SUV39H2: variants seen among roughly 807,000 people sequenced by gnomAD.
SUV39H2 encodes the protein histone-lysine N-methyltransferase SUV39H2.
SUV39H2 carries 10 observed loss-of-function variants against 47.5 expected under a neutral mutation model. That is an observed-to-expected ratio of 0.21 (90% confidence interval 0.13 to 0.36). The LOEUF (loss-of-function observed/expected upper bound fraction) is 0.36. Among genes scored for constraint, SUV39H2 ranks in the 10% least tolerant of loss-of-function variants. SUV39H2 has a pLI of 1.00. For synonymous variants in SUV39H2, 159 were observed against 166.8 expected (o/e 0.95, Z 0.36); for missense variants, 266 against 487.4 (o/e 0.55, Z 4.28).
At chr10:14,901,698 G>T (rs1834031584) in intron 5 of SUV39H2, among the ~76,000 whole-genome samples, 1 of 152,014 alleles carries the variant, frequency 6.6e-6, no homozygotes, top group African/African-American at 2.4e-5. Flanking sequence ...GGGCGTGGTG[G>T]CGTGTGCCTG....
At position 14,892,551 on chromosome 10, in the gene SUV39H2, C is replaced by T. The variant is rs74888069; in HGVS notation, c.178-4295C>T. On this transcript the variant is annotated intron_variant, in intron 2 of 5. Transcript: ENST00000354919. ...TCCCTACTCAATCACTGCTCTCACTCCTTCAGAGTGTAGTGTGTACTGCTT... is the reference window on the plus strand; with the variant it reads ...TCCCTACTCAATCACTGCTCTCACTTCTTCAGAGTGTAGTGTGTACTGCTT... Among the ~76,000 whole-genome samples, 480 of 152,282 alleles carry T rather than the reference C, an allele frequency of 3.2e-3. 4 individuals are homozygous for T. Among genetic ancestry groups the T allele is most frequent in the African/African-American group, 0.011 (462 of 41,562 alleles).
chr10:14,890,634 A>G (rs186646078), intron 2 of SUV39H2, among the ~76,000 whole-genome samples: 84 of 152,330 alleles, frequency 5.5e-4, no homozygotes, highest in Admixed American at 9.2e-4. Flanking sequence ...CTCCTGCCTC[A>G]GCCTCCCAAA....
At position 14,897,100 on chromosome 10, in the gene SUV39H2, C is replaced by T; in HGVS notation, c.432C>T (p.Leu144=). Residue 144 remains leucine, a synonymous_variant, in exon 3 of 6, where the codon CTC becomes CTT. Transcript: ENST00000354919. ...CTCTGCAGAGATGGCAAGATGAACT[C>T]AACAGAAGAAAGAATCATAAAGGAA... ...RIALQRWQDE[L]NRRKNHKGMI... 1 of 1,613,876 alleles carries T rather than the reference C, an allele frequency of 6.2e-7. No homozygotes were observed. Among genetic ancestry groups the T allele is most frequent in the Non-Finnish European group, 8.5e-7 (1 of 1,179,928 alleles).
At chr10:14,898,595 T>C (rs1414295931) in intron 3 of SUV39H2, 1 of 152,150 alleles carries the variant, frequency 6.6e-6, no homozygotes, top group Non-Finnish European at 1.5e-5. Flanking sequence ...AAATTACTCT[T>C]TTTGTTAACC....
intron 1 of SUV39H2, chr10:14,879,175 C>T (rs1189661973): frequency 8.7e-7 from 1 of 1,149,006 alleles, no homozygotes; most frequent in East Asian, 3.6e-5. Flanking sequence ...AGCGTGGCCT[C>T]TCCGCCCGCT....
rs575858982 is a variant in SUV39H2, at chr10:14,903,769, A to C, written c.*1257A>C. On this transcript the variant is annotated 3_prime_UTR_variant, in exon 6 of 6. Coordinates refer to ENST00000354919, the MANE Select transcript of SUV39H2 (RefSeq NM_001193424.2). ...TGTTGTGAAAATGATAAATGCAGCA[A>C]ATCTAGCTTTCAGTATTCCTAATTT... 6.6e-6 allele frequency: 1 copy of C among 152,336 alleles called. No individual in the cohort carries two copies. The highest frequency in any genetic ancestry group is 2.4e-5 in the African/African-American group (1 of 41,574). 9.4% of individuals were successfully genotyped at this position (152,336 alleles called of 1,614,324 possible). A position where few individuals can be genotyped will look rare whatever the true frequency, so the allele number is the denominator to read the frequency against.
At position 14,903,239 on chromosome 10, in the gene SUV39H2, T is replaced by G. The variant is rs1224473820; in HGVS notation, c.*727T>G. 1.3e-5 allele frequency: 2 copies of G among 152,164 alleles called. No individual in the cohort carries two copies. The highest frequency in any genetic ancestry group is 4.8e-5 in the African/African-American group (2 of 41,448). The allele number at this position is 152,164 out of a possible 1,614,324, so 9.4% of individuals were successfully genotyped here. A position where few individuals can be genotyped will look rare whatever the true frequency, so the allele number is the denominator to read the frequency against. On this transcript the variant is annotated 3_prime_UTR_variant, in exon 6 of 6. Transcript: ENST00000354919. ...AGTCCAAAATGGCTAGCCATTATGC[T>G]TCTTTGAAAGGACATGATAATGGGA...
intron 1 of SUV39H2, 36 bp from the exon 2 acceptor site, chr10:14,881,464 A>G (rs753688357): frequency 7.1e-7 from 1 of 1,402,382 alleles, no homozygotes. Context: ...TTGAATAGCT[A>G]TTTCATTAGT....
At chr10:14,899,124 A>T (rs1430471600) in intron 3 of SUV39H2, 12 of 662,550 alleles carry the variant, frequency 1.8e-5, no homozygotes, top group Non-Finnish European at 2.5e-5. Flanking sequence ...GTTCCAGACC[A>T]GTGTGGGCAA....
chr10:14,899,023 C>G (rs1564344334), intron 3 of SUV39H2: 2 of 575,444 alleles, frequency 3.5e-6, no homozygotes, highest in Admixed American at 3.0e-5. Context: ...ATGTACTGCT[C>G]AAATCCTGTT....
At chr10:14,879,535 T>C (rs770115252) in intron 1 of SUV39H2, among the ~76,000 whole-genome samples, 11 of 152,132 alleles carry the variant, frequency 7.2e-5, no homozygotes, top group South Asian at 2.1e-4. Flanking sequence ...TGGCTTACGG[T>C]AACTCTTTCA....
At chr10:14,882,646 C>T (rs1293290956) in intron 2 of SUV39H2, among the ~76,000 whole-genome samples, 3 of 152,162 alleles carry the variant, frequency 2.0e-5, no homozygotes, top group Non-Finnish European at 4.4e-5. Flanking sequence ...GCTTGCTTTT[C>T]CCATTCTTGT....
intron 2 of SUV39H2, among the ~76,000 whole-genome samples, chr10:14,896,122 T>C (rs1028246792): frequency 2.6e-5 from 4 of 152,108 alleles, no homozygotes; most frequent in Non-Finnish European, 2.9e-5. Flanking sequence ...TTTGTGTTTT[T>C]AGTAAAGATG....
At chr10:14,879,227 T>G in intron 1 of SUV39H2, 5 of 712,818 alleles carry the variant, frequency 7.0e-6, no homozygotes, top group Non-Finnish European at 3.7e-6. Context: ...GCCTCGGGCT[T>G]CGAGGCCGCT....
chr10:14,879,047 C>T, intron 1 of SUV39H2, 128 bp downstream of exon 1: 5 of 1,316,510 alleles, frequency 3.8e-6, no homozygotes, highest in Non-Finnish European at 4.8e-6. Context: ...GCGACCCCAA[C>T]TCCGGGACGC....
At chr10:14,879,893 C>T (rs1200938094) in intron 1 of SUV39H2, 1 of 150,018 alleles carries the variant, frequency 6.7e-6, no homozygotes, top group Admixed American at 6.6e-5. Flanking sequence ...CTTTTTTTAA[C>T]CACGTGTTTG....
chr10:14,890,547 C>T (rs1833355664), intron 2 of SUV39H2, among the ~76,000 whole-genome samples: 1 of 152,180 alleles, frequency 6.6e-6, no homozygotes. Context: ...CATGTGCCAC[C>T]ACATGCTGCT....
intron 2 of SUV39H2, among the ~76,000 whole-genome samples, chr10:14,890,431 T>C (rs538599951): frequency 6.6e-6 from 1 of 152,324 alleles, no homozygotes; most frequent in Non-Finnish European, 1.5e-5. Context: ...CTCACTCTGT[T>C]GCCCAAGCTG....
rs1471046437 is a variant in SUV39H2 at position 14,902,536 on chromosome 10, T to TG, written c.*25dup. 4 of 1,417,350 alleles carry TG rather than the reference T, an allele frequency of 2.8e-6. No individual in the cohort carries two copies. Among genetic ancestry groups the TG allele is most frequent in the Non-Finnish European group, 2.9e-6 (3 of 1,042,676 alleles). The allele number at this position is 1,417,350 out of a possible 1,614,324, so 87.8% of individuals were successfully genotyped here. ...GAACTTTTTCAGGAAATAGAGCTGA[T>TG]GATTATAATATTTTTTTCCTAATGT... On this transcript the variant is annotated 3_prime_UTR_variant, in exon 6 of 6. Transcript: ENST00000354919.
Sources: gnomAD v4.1 joint callset for allele counts (sites outside exome capture counted in the v4.1 genomes callset) on GRCh38, gnomAD v4.1.1 for gene constraint, MANE v1.5 for transcripts, NCBI Gene and HGNC (gene_info 2026-07-23, HGNC 2026-07-21) for gene names.